FAF1: variants seen among roughly 807,000 people sequenced by gnomAD.
FAF1 encodes the protein Fas associated factor 1.
Under a neutral mutation model 92.5 loss-of-function variants are expected in FAF1, and 25 were observed. The ratio of observed to expected loss-of-function variants is 0.27; its 90% CI spans 0.20 to 0.38. FAF1 has a LOEUF of 0.38. FAF1 is among the 10% of genes least tolerant of loss of function. The pLI, the probability that FAF1 is intolerant of heterozygous loss-of-function variation, is 1.00. For missense variants in FAF1, 636 were observed against 793.3 expected (o/e 0.80, Z 2.38); for synonymous variants, 234 against 273.2 (o/e 0.86, Z 1.42).
chr1:50,670,127 GAAA>G (rs1008153553), intron 7 of FAF1, among the ~76,000 whole-genome samples: 4 of 74,726 alleles, frequency 5.4e-5, no homozygotes, highest in African/African-American at 1.8e-4. Flanking sequence ...GTCTCAAAAA[GAAA>G]AAAAAAAAAA....
intron 6 of FAF1, among the ~76,000 whole-genome samples, chr1:50,727,746 A>T (rs575513185): frequency 4.6e-5 from 7 of 152,294 alleles, no homozygotes; most frequent in South Asian, 2.1e-4. Context: ...CCCACCCTCA[A>T]TCTGGGTGGG....
rs1646166128 is a variant in FAF1, at chr1:50,441,509, G to A, written c.1884C>T (p.Asp628=). 2.6e-6 allele frequency: 4 copies of A among 1,540,904 alleles called. No individual in the cohort carries two copies. Among genetic ancestry groups the A allele is most frequent in the East Asian group, 2.5e-5 (1 of 40,698 alleles). Reference sequence around the variant, plus strand: ...TTACCTCCAATAATGATTTATTTGGGTCCAGTTGAGTTACCTAAAAAGATG... The same window carrying A: ...TTACCTCCAATAATGATTTATTTGGATCCAGTTGAGTTACCTAAAAAGATG... ...TFPRRDVTQL[D]PNKSLLEVKL... Residue 628 remains aspartate, a synonymous_variant, in exon 19 of 19, where the codon GAC becomes GAT. Coordinates refer to ENST00000396153, the MANE Select transcript of FAF1 (RefSeq NM_007051.3).
intron 9 of FAF1, among the ~76,000 whole-genome samples, chr1:50,592,115 A>G (rs1228936978): frequency 4.6e-5 from 7 of 152,044 alleles, no homozygotes; most frequent in African/African-American, 9.7e-5. Flanking sequence ...CCCATTATCT[A>G]TGCTCCCCTA....
chr1:50,760,253 C>A (rs1252728703), intron 4 of FAF1, among the ~76,000 whole-genome samples: 7 of 152,046 alleles, frequency 4.6e-5, no homozygotes, highest in Non-Finnish European at 1.0e-4. Context: ...CTTTAACACC[C>A]CACTGTCAAC....
intron 4 of FAF1, among the ~76,000 whole-genome samples, chr1:50,770,536 T>C (rs1008659477): frequency 6.6e-6 from 1 of 152,148 alleles, no homozygotes; most frequent in Non-Finnish European, 1.5e-5. Flanking sequence ...TACCTAGGAA[T>C]ACAGCTAACT....
intron 6 of FAF1, among the ~76,000 whole-genome samples, chr1:50,722,646 CAAAA>C (rs58511862): frequency 3.0e-5 from 2 of 65,740 alleles, no homozygotes; most frequent in Non-Finnish European, 6.1e-5. Context: ...GCGACAGTCT[CAAAA>C]AAAAAAAAAA....
chr1:50,842,286 G>A lies in FAF1; in HGVS notation c.114+15643C>T, dbSNP rs949179228. ...CAGCCCAAATGGTGTAAGGGAGGTAGGTAGATACCAAGAAAAAGAGTCAAG... is the reference window on the plus strand; with the variant it reads ...CAGCCCAAATGGTGTAAGGGAGGTAAGTAGATACCAAGAAAAAGAGTCAAG... On this transcript the variant is annotated intron_variant, in intron 2 of 18. Coordinates refer to ENST00000396153, the MANE Select transcript of FAF1 (RefSeq NM_007051.3). Among the ~76,000 whole-genome samples, 9 of 152,086 alleles carry A rather than the reference G, an allele frequency of 5.9e-5. No homozygotes were observed. In the East Asian group the frequency reaches 1.5e-3, roughly 26 times the overall value.
At chr1:50,628,082 G>C (rs551430339) in intron 8 of FAF1, among the ~76,000 whole-genome samples, 4 of 152,124 alleles carry the variant, frequency 2.6e-5, no homozygotes, top group Non-Finnish European at 5.9e-5. Flanking sequence ...AGGATTTCTT[G>C]GTTTTGCTTT....
At chr1:50,641,607 T>C (rs896889894) in intron 8 of FAF1, among the ~76,000 whole-genome samples, 1 of 152,218 alleles carries the variant, frequency 6.6e-6, no homozygotes, top group African/African-American at 2.4e-5. Flanking sequence ...CAGGTTATAG[T>C]CTATTTTTGT....
chr1:50,874,750 T>TTTTC (rs1570085886), intron 1 of FAF1, among the ~76,000 whole-genome samples: 1 of 147,792 alleles, frequency 6.8e-6, no homozygotes, highest in Non-Finnish European at 1.5e-5. Flanking sequence ...TCTTATTTTC[T>TTTTC]TTTCTTTCTT....
chr1:50,532,658 TAAGA>T (rs750522466), intron 15 of FAF1, among the ~76,000 whole-genome samples: 2 of 152,186 alleles, frequency 1.3e-5, no homozygotes, highest in Non-Finnish European at 2.9e-5. Context: ...CATTGACTAT[TAAGA>T]AAAAGTATAA....
intron 2 of FAF1, among the ~76,000 whole-genome samples, chr1:50,856,736 T>C (rs145895825): frequency 6.6e-6 from 1 of 151,920 alleles, no homozygotes; most frequent in East Asian, 1.9e-4. Context: ...GTTAAATATG[T>C]AACATGTATA....
At chr1:50,505,892 C>G (rs776434855) in intron 15 of FAF1, among the ~76,000 whole-genome samples, 3 of 152,084 alleles carry the variant, frequency 2.0e-5, no homozygotes, top group Non-Finnish European at 4.4e-5. Flanking sequence ...TTTAGAAAAT[C>G]TAGGGAGAGC....
intron 17 of FAF1, among the ~76,000 whole-genome samples, chr1:50,486,510 G>C (rs968713734): frequency 9.9e-5 from 15 of 151,870 alleles, no homozygotes; most frequent in Non-Finnish European, 1.5e-4. Flanking sequence ...ATCAAAGTCT[G>C]TGAAGTCTTT....
intron 2 of FAF1, among the ~76,000 whole-genome samples, chr1:50,812,862 C>T (rs146491590): frequency 3.9e-5 from 6 of 152,252 alleles, no homozygotes; most frequent in South Asian, 4.1e-4. Context: ...AAATATGGTA[C>T]ATTTAGACCA....
At chr1:50,587,666 A>G (rs1203874516) in intron 9 of FAF1, among the ~76,000 whole-genome samples, 2 of 152,234 alleles carry the variant, frequency 1.3e-5, no homozygotes, top group Non-Finnish European at 2.9e-5. Flanking sequence ...TTCATTTATT[A>G]CCTTTAACAT....
At chr1:50,717,631 C>A (rs187418862) in intron 6 of FAF1, among the ~76,000 whole-genome samples, 1 of 152,290 alleles carries the variant, frequency 6.6e-6, no homozygotes, top group Non-Finnish European at 1.5e-5. Context: ...AAATTGAAAT[C>A]TCACTCACTA....
chr1:50,706,638 C>T (rs1657685363), intron 6 of FAF1, among the ~76,000 whole-genome samples: 1 of 151,762 alleles, frequency 6.6e-6, no homozygotes, highest in Non-Finnish European at 1.5e-5. Context: ...CTCAAAGACT[C>T]TGGTTCAATT....
At chr1:50,601,208 T>C (rs1652111376) in intron 8 of FAF1, among the ~76,000 whole-genome samples, 1 of 152,238 alleles carries the variant, frequency 6.6e-6, no homozygotes, top group African/African-American at 2.4e-5. Context: ...CTTTATGTTA[T>C]TCTTCACATG....
Sources: allele counts gnomAD v4.1 joint callset (sites outside exome capture counted in the v4.1 genomes callset), GRCh38; gene constraint gnomAD v4.1.1; transcripts MANE v1.5; gene names NCBI Gene and HGNC (gene_info 2026-07-23, HGNC 2026-07-21).